The following CASQ2 variants were observed in gnomAD, a reference collection of about 807,000 sequenced individuals.
CASQ2 encodes the protein calsequestrin 2, also known as calsequestrin-2.
Under a neutral mutation model 46.5 loss-of-function variants are expected in CASQ2, and 49 were observed. The observed-to-expected ratio is 1.05, with a 90% CI of 0.84 to 1.34. CASQ2 has a LOEUF of 1.34. Ranked by LOEUF, CASQ2 falls within the 40% of genes most tolerant of loss-of-function variation. The probability of loss-of-function intolerance (pLI) is 0.00; values close to 1 mark genes in which losing one functional copy is unlikely to be tolerated. For synonymous variants in CASQ2, 174 were observed against 168.5 expected, an observed-to-expected ratio of 1.03 and a Z score of -0.25; for missense variants, 486 against 481.3, an observed-to-expected ratio of 1.01 and a Z score of -0.09.
At chr1:115,744,731 T>C (rs1314795770) in intron 2 of CASQ2, 97 bp downstream of exon 2, 6 of 792,046 alleles carry the variant, frequency 7.6e-6, no homozygotes, top group Middle Eastern at 2.5e-4. Flanking sequence ...TTTTAAAAGA[T>C]AGTCCGCTTA....
intron 1 of CASQ2, among the ~76,000 whole-genome samples, chr1:115,746,114 G>A (rs9428213): frequency 0.71 from 107,938 of 151,790 alleles, 42,079 homozygotes; most frequent in Non-Finnish European, 0.88. Flanking sequence ...TTCACTCAGT[G>A]TAATTATGTA....
chr1:115,714,876 T>C (rs888425159), intron 8 of CASQ2, among the ~76,000 whole-genome samples: 4 of 152,224 alleles, frequency 2.6e-5, no homozygotes, highest in Middle Eastern at 3.2e-3. Context: ...TTGGGCTCTT[T>C]TGGGGAAAGG....
rs1060502164 is a variant in CASQ2 at position 115,744,914 on chromosome 1, T to C, written c.235-2A>G. On this transcript the variant is annotated splice_acceptor_variant, in intron 1 of 10. Coordinates refer to ENST00000261448, the MANE Select transcript of CASQ2 (RefSeq NM_001232.4). LOFTEE classifies it high-confidence loss of function. ...ATGTTCAAGGACCTGGGCCACAAGC[T>C]GAAGAAACAAATGGAAAGATGAGTG... The C allele has an allele frequency of 1.2e-6, 2 of 1,608,852 alleles. No homozygotes were observed. The highest frequency in any genetic ancestry group is 1.1e-5 in the South Asian group (1 of 90,844).
Position 115,732,933 on chromosome 1 carries a change from A to C in CASQ2, c.574T>G (p.Tyr192Asp). 1.9e-6 allele frequency: 3 copies of C among 1,613,930 alleles called. No homozygotes were observed. The highest frequency in any genetic ancestry group is 2.5e-6 in the Non-Finnish European group (3 of 1,179,848). Residue 192 changes from tyrosine to aspartate, a missense_variant, in exon 5 of 11, where the codon TAC becomes GAC. By Grantham distance (160) the Tyr-to-Asp change is radical. Transcript: ENST00000261448. ...TCAAAGGTGGCAAAGAATTTGATGT[A>C]AGGCTGGAAGTGTTCAGCTGCTTCT... ...FEEAAEHFQP[Y>D]IKFFATFDKG... is the part of the protein sequence containing the mutation.
chr1:115,744,889 A>G lies in CASQ2; in HGVS notation c.258T>C (p.His86=). 6.2e-7 allele frequency: 1 copy of G among 1,613,514 alleles called. No homozygotes were observed. The highest frequency in any genetic ancestry group is 2.2e-5 in the East Asian group (1 of 44,856). ...CCACCATCACAAAGCCTATAGCTTT[A>G]TGTTCAAGGACCTGGGCCACAAGCT... ...VLELVAQVLE[H]KAIGFVMVDA... The change falls in exon 2 of 11, where the codon CAT becomes CAC. Residue 86 remains histidine (H), a synonymous_variant. Coordinates refer to ENST00000261448, the MANE Select transcript of CASQ2 (RefSeq NM_001232.4).
chr1:115,735,126 G>A (rs1647912885), intron 4 of CASQ2, among the ~76,000 whole-genome samples: 1 of 152,180 alleles, frequency 6.6e-6, no homozygotes, highest in Admixed American at 6.5e-5. Context: ...TGAAAATCTT[G>A]AGATTCAAAT....
At chr1:115,729,942 G>A (rs1647730474) in intron 5 of CASQ2, among the ~76,000 whole-genome samples, 2 of 152,200 alleles carry the variant, frequency 1.3e-5, no homozygotes, top group South Asian at 4.1e-4. Flanking sequence ...AGTGGGCGGG[G>A]ACATGGGATT....
chr1:115,765,222 C>T (rs1453330372), intron 1 of CASQ2, among the ~76,000 whole-genome samples: 1 of 152,114 alleles, frequency 6.6e-6, no homozygotes, highest in Admixed American at 6.5e-5. Flanking sequence ...TCTCATTTTC[C>T]CCGTATCCAC....
intron 7 of CASQ2, among the ~76,000 whole-genome samples, chr1:115,718,718 C>T (rs1647259703): frequency 6.6e-6 from 1 of 152,046 alleles, no homozygotes; most frequent in African/African-American, 2.4e-5. Flanking sequence ...GGAAGAAGAA[C>T]CTAGAGAGAG....
At position 115,705,224 on chromosome 1, in the gene CASQ2, T is replaced by A; in HGVS notation, c.907A>T (p.Ile303Phe). Residue 303 changes from isoleucine to phenylalanine, a missense_variant, in exon 9 of 11, where the codon ATC becomes TTC. By Grantham distance (21) the Ile-to-Phe change is conservative. Transcript: ENST00000261448. The part of the protein sequence containing the change: ...RDNTDNPDLS[I>F]LWIDPDDFPL... Reference sequence around the variant, plus strand: ...AAGTCGTCCGGGTCGATCCACAGGATGCTCAGATCGGGGTTGTCAGTATTG... The same window carrying A: ...AAGTCGTCCGGGTCGATCCACAGGAAGCTCAGATCGGGGTTGTCAGTATTG... 6.2e-7 allele frequency: 1 copy of A among 1,613,986 alleles called. No homozygotes were observed. The highest frequency in any genetic ancestry group is 8.5e-7 in the Non-Finnish European group (1 of 1,179,808).
chr1:115,730,249 G>A (rs1647739690), intron 5 of CASQ2, among the ~76,000 whole-genome samples: 1 of 152,158 alleles, frequency 6.6e-6, no homozygotes, highest in African/African-American at 2.4e-5. Context: ...ATACTAATAT[G>A]GATAGTGGTT....
intron 7 of CASQ2, among the ~76,000 whole-genome samples, chr1:115,718,690 G>C (rs1647259039): frequency 6.6e-6 from 1 of 152,172 alleles, no homozygotes; most frequent in South Asian, 2.1e-4. Flanking sequence ...GTGGTGTATG[G>C]CTGTGGGGGC....
rs1647834881 is a variant in CASQ2, at chr1:115,732,883, G to A, written c.606+18C>T. On this transcript the variant is annotated intron_variant, in intron 5 of 10. Coordinates refer to ENST00000261448, the MANE Select transcript of CASQ2 (RefSeq NM_001232.4). ...ATGCCTACAAAACTGTTCAAATTGGGGTTTCATAGGTACTTACCCCTTTGT... is the reference window on the plus strand; with the variant it reads ...ATGCCTACAAAACTGTTCAAATTGGAGTTTCATAGGTACTTACCCCTTTGT... 1 of 1,582,354 alleles carries A rather than the reference G, an allele frequency of 6.3e-7. No homozygotes were observed. Among genetic ancestry groups the A allele is most frequent in the African/African-American group, 1.3e-5 (1 of 74,416 alleles).
intron 2 of CASQ2, among the ~76,000 whole-genome samples, chr1:115,742,404 G>A (rs1217158967): frequency 6.6e-6 from 1 of 151,994 alleles, no homozygotes; most frequent in African/African-American, 2.4e-5. Flanking sequence ...CAATTGTTGA[G>A]GCACAACTTG....
intron 9 of CASQ2, among the ~76,000 whole-genome samples, chr1:115,704,436 C>T (rs1337734155): frequency 1.3e-5 from 2 of 152,168 alleles, no homozygotes; most frequent in Non-Finnish European, 2.9e-5. Context: ...ATAATAGTAC[C>T]TACTTCACAG....
At chr1:115,709,255 C>T (rs1482090516) in intron 8 of CASQ2, among the ~76,000 whole-genome samples, 1 of 152,180 alleles carries the variant, frequency 6.6e-6, no homozygotes, top group Non-Finnish European at 1.5e-5. Context: ...AAAAGAGAAA[C>T]GTTCTCTGTG....
intron 7 of CASQ2, among the ~76,000 whole-genome samples, chr1:115,720,978 A>G (rs1203985102): frequency 2.0e-5 from 3 of 152,182 alleles, no homozygotes; most frequent in African/African-American, 7.2e-5. Context: ...TACCAACAAC[A>G]TATATTACCA....
Position 115,744,879 on chromosome 1 carries a change from C to G in CASQ2, c.268G>C (p.Gly90Arg), listed in dbSNP as rs1208892614. ...TTCTTGGCATCCACCATCACAAAGC[C>G]TATAGCTTTATGTTCAAGGACCTGG... is the stretch of plus-strand genomic sequence containing the variant. Reference protein sequence around the residue: ...VAQVLEHKAIGFVMVDAKKEA... With the variant: ...VAQVLEHKAIRFVMVDAKKEA... The change falls in exon 2 of 11, where the codon GGC (glycine) becomes CGC (arginine). Residue 90 changes from glycine (G) to arginine (R), a missense_variant. Gly to Arg is a moderately radical substitution (Grantham distance 125). Transcript: ENST00000261448. The G allele has an allele frequency of 3.1e-6, 5 of 1,613,672 alleles. No homozygotes were observed. Among genetic ancestry groups the G allele is most frequent in the African/African-American group, 2.7e-5 (2 of 74,884 alleles).
intron 5 of CASQ2, 85 bp downstream of exon 5, chr1:115,732,816 A>C (rs1394090056): frequency 4.2e-6 from 4 of 949,062 alleles, no homozygotes; most frequent in Non-Finnish European, 3.5e-6. Flanking sequence ...AATGTTGCTA[A>C]AAGAAAAGAA....
Sources: allele counts gnomAD v4.1 joint callset (sites outside exome capture counted in the v4.1 genomes callset), GRCh38; gene constraint gnomAD v4.1.1; transcripts MANE v1.5; gene names NCBI Gene and HGNC (gene_info 2026-07-23, HGNC 2026-07-21).